The following CTNNA3 variants were observed in gnomAD, a reference collection of about 807,000 sequenced individuals.
CTNNA3 encodes catenin alpha 3.
In CTNNA3, 76 loss-of-function variants were observed where a neutral mutation model predicts 95.7. The ratio of observed to expected loss-of-function variants is 0.79; its 90% CI spans 0.66 to 0.96. The LOEUF (loss-of-function observed/expected upper bound fraction) is 0.96. CTNNA3 is among the 40% of genes least tolerant of loss of function. The probability of loss-of-function intolerance (pLI) is 0.00; values close to 1 mark genes in which losing one functional copy is unlikely to be tolerated. For synonymous variants in CTNNA3, 431 were observed against 374.4 expected, an observed-to-expected ratio of 1.15 and a Z score of -1.74; for missense variants, 1,191 against 1,089.8, an observed-to-expected ratio of 1.09 and a Z score of -1.31.
chr10:66,166,353 G>A (rs1297573515), intron 13 of CTNNA3, among the ~76,000 whole-genome samples: 2 of 151,876 alleles, frequency 1.3e-5, no homozygotes, highest in East Asian at 3.9e-4. Flanking sequence ...ACTTAGCAAG[G>A]CATAGTGATG....
intron 5 of CTNNA3, among the ~76,000 whole-genome samples, chr10:67,506,342 G>C (rs1165655299): frequency 3.9e-5 from 6 of 152,094 alleles, no homozygotes; most frequent in Non-Finnish European, 7.4e-5. Context: ...GTCACATTTG[G>C]AGCATGAGAT....
At chr10:66,746,371 C>T (rs1309275766) in intron 9 of CTNNA3, among the ~76,000 whole-genome samples, 2 of 152,174 alleles carry the variant, frequency 1.3e-5, no homozygotes, top group East Asian at 1.9e-4. Context: ...TATCTTCTAA[C>T]AGTGTGATGT....
intron 9 of CTNNA3, among the ~76,000 whole-genome samples, chr10:66,716,869 G>A (rs1320012083): frequency 6.6e-6 from 1 of 152,138 alleles, no homozygotes; most frequent in African/African-American, 2.4e-5. Flanking sequence ...TCAGGCTTTG[G>A]TGCCTAGCTA....
intron 5 of CTNNA3, among the ~76,000 whole-genome samples, chr10:67,379,328 ATCT>A (rs1843824079): frequency 6.6e-6 from 1 of 152,176 alleles, no homozygotes; most frequent in Admixed American, 6.5e-5. Context: ...CCTCAGATTC[ATCT>A]TCTACAAAAC....
At chr10:67,132,787 C>A (rs1240491545) in intron 7 of CTNNA3, among the ~76,000 whole-genome samples, 1 of 151,922 alleles carries the variant, frequency 6.6e-6, no homozygotes, top group African/African-American at 2.4e-5. Flanking sequence ...AACTTGAGGT[C>A]ATTATGTTAA....
chr10:66,135,950 G>A (rs1453274322), intron 13 of CTNNA3, among the ~76,000 whole-genome samples: 1 of 149,882 alleles, frequency 6.7e-6, no homozygotes, highest in African/African-American at 2.5e-5. Flanking sequence ...CGCGCAGGCT[G>A]GAGTGCAGTG....
intron 11 of CTNNA3, among the ~76,000 whole-genome samples, chr10:66,401,518 A>AACACACACAC (rs140986771): frequency 0.047 from 6,765 of 143,860 alleles, 217 homozygotes; most frequent in East Asian, 0.18. Flanking sequence ...TGTGTCTCAA[A>AACACACACAC]ACACACACAC....
At chr10:67,700,094 C>T (rs1030740757), upstream of CTNNA3, among the ~76,000 whole-genome samples, 21 of 152,252 alleles carry the variant, frequency 1.4e-4, no homozygotes, top group Admixed American at 8.5e-4. Context: ...ATTGCCCAGG[C>T]TTGCTTAGGT....
At chr10:66,917,233 A>G (rs1846535230) in intron 7 of CTNNA3, among the ~76,000 whole-genome samples, 1 of 152,176 alleles carries the variant, frequency 6.6e-6, no homozygotes, top group Non-Finnish European at 1.5e-5. Context: ...GATCTGTGGC[A>G]TTTGCTACCC....
intron 5 of CTNNA3, among the ~76,000 whole-genome samples, chr10:67,410,863 T>C (rs369586453): frequency 3.3e-5 from 5 of 152,132 alleles, no homozygotes; most frequent in African/African-American, 1.2e-4. Context: ...GGGAACCTGT[T>C]CAGCCTTAAA....
intron 17 of CTNNA3, among the ~76,000 whole-genome samples, chr10:65,944,775 T>C (rs1784852026): frequency 6.6e-6 from 1 of 152,150 alleles, no homozygotes; most frequent in Admixed American, 6.6e-5. Context: ...GCTTGTTTCA[T>C]AGACTCCAGT....
chr10:66,567,663 T>C (rs1444252341), intron 10 of CTNNA3, among the ~76,000 whole-genome samples: 1 of 152,106 alleles, frequency 6.6e-6, no homozygotes. Flanking sequence ...GAGGAAAATT[T>C]CATTTCCCTT....
At chr10:67,702,202 C>T (rs560601541) in intron 1 of CTNNA3, among the ~76,000 whole-genome samples, 1 of 152,228 alleles carries the variant, frequency 6.6e-6, no homozygotes, top group South Asian at 2.1e-4. Flanking sequence ...CCACTGTCAA[C>T]ATTAGACAGA....
At chr10:66,115,593 A>AT (rs1296274784) in intron 13 of CTNNA3, among the ~76,000 whole-genome samples, 10 of 108,964 alleles carry the variant, frequency 9.2e-5, no homozygotes, top group African/African-American at 5.0e-4. Flanking sequence ...AGATAGATAG[A>AT]GATAGAGATA....
intron 10 of CTNNA3, among the ~76,000 whole-genome samples, chr10:66,567,987 A>G (rs1215689670): frequency 6.6e-6 from 1 of 152,170 alleles, no homozygotes; most frequent in African/African-American, 2.4e-5. Context: ...AAATATAGAG[A>G]TTGTGTTCAA....
chr10:66,539,626 C>G (rs1214376965), intron 10 of CTNNA3, among the ~76,000 whole-genome samples: 1 of 152,104 alleles, frequency 6.6e-6, no homozygotes, highest in Admixed American at 6.6e-5. Context: ...TGCTTGAGGC[C>G]TTTTACCTTC....
At chr10:66,011,164 C>T (rs1564576316) in intron 15 of CTNNA3, among the ~76,000 whole-genome samples, 2 of 152,116 alleles carry the variant, frequency 1.3e-5, no homozygotes, top group Admixed American at 6.6e-5. Context: ...TCTGTGGTCA[C>T]CATAGATGCC....
chr10:66,938,685 A>G (rs915248016), intron 7 of CTNNA3, among the ~76,000 whole-genome samples: 8 of 152,136 alleles, frequency 5.3e-5, no homozygotes, highest in African/African-American at 1.9e-4. Context: ...TTAGGAAAAT[A>G]CAGTTTTAAA....
At chr10:66,701,684 C>T (rs145206444) in intron 9 of CTNNA3, among the ~76,000 whole-genome samples, 10 of 152,056 alleles carry the variant, frequency 6.6e-5, no homozygotes, top group Admixed American at 2.0e-4. Context: ...TGTTTGTATA[C>T]GGATCTTATA....
Sources: gnomAD v4.1 joint callset for allele counts (sites outside exome capture counted in the v4.1 genomes callset) on GRCh38, gnomAD v4.1.1 for gene constraint, MANE v1.5 for transcripts, NCBI Gene and HGNC (gene_info 2026-07-23, HGNC 2026-07-21) for gene names.